The following MSR1 variants were observed in gnomAD, a reference collection of about 807,000 sequenced individuals.
MSR1 encodes the protein macrophage scavenger receptor types I and II.
Under a neutral mutation model 47.2 loss-of-function variants are expected in MSR1, and 53 were observed. That is an observed-to-expected ratio of 1.12 (90% confidence interval 0.90 to 1.41). MSR1 has a LOEUF of 1.41. MSR1 is among the 40% of genes most tolerant of loss of function. The pLI is 0.00. For missense variants in MSR1, 786 were observed against 546.9 expected (o/e 1.44, Z -4.36); for synonymous variants, 239 against 185.6 (o/e 1.29, Z -2.34).
rs558790631 is a variant in MSR1 at position 16,192,023 on chromosome 8, A to G, written c.-5+575T>C. 2.2e-4 allele frequency among the ~76,000 whole-genome samples: 33 copies of G among 152,322 alleles called. No individual in the cohort carries two copies. The East Asian group carries it at 6.4e-3, about 29-fold the overall frequency. ...ATACTACTTAAGGTGCTCAAATTAC[A>G]TTATGCCTATTTGGGGATATGTTTT... On this transcript the variant is annotated intron_variant, in intron 1 of 9. Transcript: ENST00000262101.
At chr8:16,138,143 G>A (rs1006818903) in intron 8 of MSR1, among the ~76,000 whole-genome samples, 1 of 152,004 alleles carries the variant, frequency 6.6e-6, no homozygotes, top group Admixed American at 6.6e-5. Context: ...TTTTCCTATC[G>A]TTGTTTGAGT....
At chr8:16,113,142 G>A (rs751857440) in intron 9 of MSR1, among the ~76,000 whole-genome samples, 5 of 151,506 alleles carry the variant, frequency 3.3e-5, no homozygotes, top group Non-Finnish European at 7.4e-5. Flanking sequence ...TAGAGACGGG[G>A]TTTCACCATG....
At chr8:16,111,928 C>G (rs1234865668) in intron 9 of MSR1, among the ~76,000 whole-genome samples, 1 of 152,000 alleles carries the variant, frequency 6.6e-6, no homozygotes, top group Non-Finnish European at 1.5e-5. Flanking sequence ...CTTACTGCAA[C>G]CTCCTTCATT....
intron 8 of MSR1, among the ~76,000 whole-genome samples, chr8:16,132,790 C>T (rs992487601): frequency 6.6e-6 from 1 of 152,072 alleles, no homozygotes; most frequent in Non-Finnish European, 1.5e-5. Flanking sequence ...TTGCTCTGGC[C>T]AGGACTTCCA....
At position 16,155,114 on chromosome 8, in the gene MSR1, T is replaced by A. The variant is rs774410939; in HGVS notation, c.848A>T (p.Asp283Val). Reference protein sequence around the residue: ...GPPGPPGEKGDRGPTGESGPR... With the variant: ...GPPGPPGEKGVRGPTGESGPR... ...ACCACTTTCTCCAGTGGGACCTCGATCTCCTTTTTCACCCGGGGGTCCAGG... is the reference window on the plus strand; with the variant it reads ...ACCACTTTCTCCAGTGGGACCTCGAACTCCTTTTTCACCCGGGGGTCCAGG... The change falls in exon 6 of 10, where the codon GAT becomes GTT. Residue 283 changes from aspartate to valine, a missense_variant. Asp to Val is a radical substitution (Grantham distance 152). Coordinates refer to ENST00000262101, the MANE Select transcript of MSR1 (RefSeq NM_138715.3). 9 of 1,612,214 alleles carry A rather than the reference T, an allele frequency of 5.6e-6. No homozygotes were observed. The highest frequency in any genetic ancestry group is 7.6e-6 in the Non-Finnish European group (9 of 1,178,796).
chr8:16,177,130 T>C lies in MSR1; in HGVS notation c.103+756A>G, dbSNP rs556823575. ...TGTTGTCGTAACCTGTGCAAACATG[T>C]TTCACCACTGCTATATGGGTTGAAT... On this transcript the variant is annotated intron_variant, in intron 2 of 9. Transcript: ENST00000262101. Among the ~76,000 whole-genome samples the C allele has an allele frequency of 1.2e-4, 18 of 152,270 alleles. No homozygotes were observed. The South Asian group carries it at 1.9e-3, about 16-fold the overall frequency.
Position 16,168,676 on chromosome 8 carries a change from T to C in MSR1, c.412A>G (p.Thr138Ala). 6.2e-7 allele frequency: 1 copy of C among 1,614,190 alleles called. No homozygotes were observed. The highest frequency in any genetic ancestry group is 8.5e-7 in the Non-Finnish European group (1 of 1,180,018). The change falls in exon 4 of 10, where the codon ACA (threonine) becomes GCA (alanine). Residue 138 changes from threonine (T) to alanine (A), a missense_variant. By Grantham distance (58) the Thr-to-Ala change is moderately conservative (BLOSUM62 0). Coordinates refer to ENST00000262101, the MANE Select transcript of MSR1 (RefSeq NM_138715.3). ...ATGCTGAAATTTTGGAAATGCTCTG[T>C]GTCCATGAGGTTGGCTTCCATGTCT... is the stretch of plus-strand genomic sequence containing the variant. The part of the protein sequence containing the change: ...ILDMEANLMD[T>A]EHFQNFSMTT...
At chr8:16,163,646 C>T in intron 5 of MSR1, among the ~76,000 whole-genome samples, 1 of 151,462 alleles carries the variant, frequency 6.6e-6, no homozygotes, top group Non-Finnish European at 1.5e-5. Flanking sequence ...ACAAATCCAT[C>T]ATTATTTTGG....
intron 9 of MSR1, among the ~76,000 whole-genome samples, chr8:16,120,191 C>T (rs1399864251): frequency 1.3e-5 from 2 of 151,840 alleles, no homozygotes; most frequent in Non-Finnish European, 2.9e-5. Context: ...TCCTGGCTAA[C>T]ACGGTGAAAC....
intron 1 of MSR1, among the ~76,000 whole-genome samples, chr8:16,188,443 T>C (rs1283416627): frequency 6.6e-6 from 1 of 152,096 alleles, no homozygotes; most frequent in African/African-American, 2.4e-5. Flanking sequence ...ATTACGCGTT[T>C]TCCTTAAAAT....
chr8:16,163,273 A>C (rs1215097316), intron 5 of MSR1, among the ~76,000 whole-genome samples: 1 of 151,952 alleles, frequency 6.6e-6, no homozygotes, highest in Non-Finnish European at 1.5e-5. Context: ...TAGTGGAAAT[A>C]AATACAGTGC....
At chr8:16,153,497 G>A (rs964678257) in intron 6 of MSR1, among the ~76,000 whole-genome samples, 3 of 151,822 alleles carry the variant, frequency 2.0e-5, no homozygotes, top group South Asian at 4.2e-4. Flanking sequence ...AGTACCAAAA[G>A]CAACAAATTA....
At chr8:16,182,725 G>C (rs988377300) in intron 1 of MSR1, among the ~76,000 whole-genome samples, 5 of 151,954 alleles carry the variant, frequency 3.3e-5, no homozygotes, top group African/African-American at 7.3e-5. Context: ...AACAGGCATG[G>C]AGCTGTCATC....
intron 7 of MSR1, among the ~76,000 whole-genome samples, chr8:16,144,915 G>A (rs1028084750): frequency 1.3e-5 from 2 of 151,726 alleles, no homozygotes; most frequent in Non-Finnish European, 2.9e-5. Flanking sequence ...GATTTCTCTA[G>A]TTTACATTGT....
Position 16,131,680 on chromosome 8 carries a change from A to G in MSR1, c.1034-11074T>C, listed in dbSNP as rs545925840. Among the ~76,000 whole-genome samples the G allele has an allele frequency of 2.0e-5, 3 of 152,110 alleles. No homozygotes were observed. In the South Asian group the frequency reaches 6.2e-4, roughly 32 times the overall value. On this transcript the variant is annotated intron_variant, in intron 8 of 9. Coordinates refer to ENST00000262101, the MANE Select transcript of MSR1 (RefSeq NM_138715.3). The stretch of plus-strand genomic sequence containing the variant: ...TGTATATGGTGTAAGGAAAGAGTTC[A>G]GTTTCAGTCTTCTGCATATGGCTAA...
chr8:16,145,421 A>C (rs186319415), intron 7 of MSR1, among the ~76,000 whole-genome samples: 1 of 152,150 alleles, frequency 6.6e-6, no homozygotes, highest in Non-Finnish European at 1.5e-5. Flanking sequence ...TTCATAAAAG[A>C]GAACATAATA....
intron 7 of MSR1, among the ~76,000 whole-genome samples, chr8:16,146,551 A>G (rs1800704296): frequency 6.6e-6 from 1 of 152,096 alleles, no homozygotes; most frequent in Non-Finnish European, 1.5e-5. Context: ...GCTCTGAACA[A>G]TGGCAACATC....
intron 7 of MSR1, among the ~76,000 whole-genome samples, chr8:16,144,204 TC>T (rs1262255503): frequency 6.6e-6 from 1 of 152,116 alleles, no homozygotes; most frequent in Non-Finnish European, 1.5e-5. Flanking sequence ...GGTCAGGGCT[TC>T]AAATGGATGC....
intron 8 of MSR1, chr8:16,121,308 A>C (rs924134556): frequency 3.8e-6 from 1 of 264,422 alleles, no homozygotes; most frequent in African/African-American, 2.3e-5. Context: ...CTTTGTTTAT[A>C]ATTATAAAAG....
Sources: gnomAD v4.1 joint callset for allele counts (sites outside exome capture counted in the v4.1 genomes callset) on GRCh38, gnomAD v4.1.1 for gene constraint, MANE v1.5 for transcripts, NCBI Gene and HGNC (gene_info 2026-07-23, HGNC 2026-07-21) for gene names.